SPATA24: variants seen among roughly 807,000 people sequenced by gnomAD.
SPATA24 encodes spermatogenesis-associated protein 24.
A neutral mutation model predicts 28.9 loss-of-function variants in SPATA24; 21 were observed. That is an observed-to-expected ratio of 0.73 (90% CI 0.52 to 1.05). The LOEUF (loss-of-function observed/expected upper bound fraction) is 1.05, where lower values mean the gene tolerates loss of function less well. Ranked by LOEUF, SPATA24 falls within the 50% of genes least tolerant of loss-of-function variation. The probability of loss-of-function intolerance (pLI) is 0.00; values close to 1 mark genes in which losing one functional copy is unlikely to be tolerated. For missense variants in SPATA24, 215 were observed against 242.9 expected, an observed-to-expected ratio of 0.88 and a Z score of 0.76; for synonymous variants, 76 against 89.9, an observed-to-expected ratio of 0.85 and a Z score of 0.88.
downstream of SPATA24, chr5:139,396,471 C>G: frequency 1.7e-6 from 2 of 1,160,910 alleles, no homozygotes; most frequent in South Asian, 4.3e-5. Flanking sequence ...GGTTCTGGAA[C>G]CCACTGTCTT....
chr5:139,394,496 C>T (rs1167052209), downstream of SPATA24: 1 of 1,423,276 alleles, frequency 7.0e-7, no homozygotes, highest in Non-Finnish European at 9.1e-7. Flanking sequence ...GGCGCGGCGC[C>T]CTCCTCCAGA....
downstream of SPATA24, chr5:139,393,312 G>T (rs763116928): frequency 3.1e-5 from 48 of 1,550,768 alleles, no homozygotes; most frequent in Non-Finnish European, 4.1e-5. Context: ...GGTGGCTGCC[G>T]GGCGGCTCGG....
chr5:139,394,669 G>A (rs1290443693), downstream of SPATA24: 1 of 1,534,858 alleles, frequency 6.5e-7, no homozygotes. Flanking sequence ...GATGAAGGCC[G>A]GCTCCGTGAA....
chr5:139,403,962 G>T lies in SPATA24; in HGVS notation c.99C>A (p.Ile33=). 6.4e-7 allele frequency: 1 copy of T among 1,551,660 alleles called. No homozygotes were observed. The highest frequency in any genetic ancestry group is 8.7e-7 in the Non-Finnish European group (1 of 1,146,886). Residue 33 remains isoleucine (I), a synonymous_variant, in exon 1 of 6, where the codon ATC becomes ATA. Transcript: ENST00000450845. Reference sequence around the variant, plus strand: ...TGCATACCACGTTCCTCAGCTGGTGGATTAGTTCCTCCTGAGACTCAATCA... The same window carrying T: ...TGCATACCACGTTCCTCAGCTGGTGTATTAGTTCCTCCTGAGACTCAATCA... ...RDVIESQEEL[I]HQLRNVMVLQ...
intron 3 of SPATA24, 22 bp downstream of exon 3, chr5:139,401,893 C>A (rs760239558): frequency 6.4e-7 from 1 of 1,551,114 alleles, no homozygotes; most frequent in Admixed American, 2.0e-5. Context: ...AAACCCCACA[C>A]CCCGTACTGA....
At position 139,402,054 on chromosome 5, in the gene SPATA24, G is replaced by A; in HGVS notation, c.184-9C>T. On this transcript the variant is annotated splice_polypyrimidine_tract_variant and intron_variant, in intron 2 of 5. Transcript: ENST00000450845. ...TGGGCAGCTTTCTCTTCCTGCAGGGGCAGCAGCAGTCACCTCATTACCCTA... is the reference window on the plus strand; with the variant it reads ...TGGGCAGCTTTCTCTTCCTGCAGGGACAGCAGCAGTCACCTCATTACCCTA... The A allele has an allele frequency of 6.5e-7, 1 of 1,550,320 alleles. No homozygotes were observed. Among genetic ancestry groups the A allele is most frequent in the South Asian group, 1.2e-5 (1 of 84,006 alleles).
At chr5:139,394,297 T>A, downstream of SPATA24, 1 of 1,518,340 alleles carries the variant, frequency 6.6e-7, no homozygotes, top group Non-Finnish European at 8.8e-7. Flanking sequence ...GGCCGGGGCC[T>A]CGGGGCTCAG....
chr5:139,392,636 G>A (rs1758617890), downstream of SPATA24: 7 of 1,389,108 alleles, frequency 5.0e-6, no homozygotes, highest in East Asian at 1.8e-4. The surrounding 1 kb of genome is among the most constrained non-coding windows in gnomAD (Gnocchi z 5.8). Context: ...TTCGGTTTGG[G>A]TGCTATCCCA....
chr5:139,401,881 C>T, intron 3 of SPATA24, 34 bp downstream of exon 3: 1 of 1,549,472 alleles, frequency 6.5e-7, no homozygotes. Flanking sequence ...GATGCATCCC[C>T]CAAACCCCAC....
chr5:139,394,835 C>A (rs1042128435), downstream of SPATA24: 52 of 1,531,226 alleles, frequency 3.4e-5, no homozygotes, highest in African/African-American at 1.7e-4. Flanking sequence ...GAGCCGGGCC[C>A]GTGCCGCTGG....
At chr5:139,392,519 A>G, downstream of SPATA24, 5 of 1,343,130 alleles carry the variant, frequency 3.7e-6, no homozygotes, top group Non-Finnish European at 3.8e-6. The surrounding 1 kb of genome is among the most constrained non-coding windows in gnomAD (Gnocchi z 5.8). Flanking sequence ...GGAGGCGCCG[A>G]GGCAGCGCGG....
downstream of SPATA24, chr5:139,395,167 C>G (rs1758677176): frequency 2.3e-6 from 3 of 1,295,436 alleles, no homozygotes; most frequent in Admixed American, 1.2e-4. Context: ...CCGAGGATGC[C>G]GTGGGGGTCA....
At chr5:139,393,659 C>A, downstream of SPATA24, 1 of 1,550,608 alleles carries the variant, frequency 6.4e-7, no homozygotes, top group African/African-American at 1.4e-5. Context: ...AGGGAAGGGG[C>A]TTCGAGGGAC....
chr5:139,398,216 A>G (rs1204131140), intron 4 of SPATA24, among the ~76,000 whole-genome samples: 2 of 152,102 alleles, frequency 1.3e-5, no homozygotes, highest in African/African-American at 4.8e-5. Flanking sequence ...CATTTCAAAG[A>G]TGGGGAAAGA....
downstream of SPATA24, chr5:139,393,927 A>G (rs1758644269): frequency 6.4e-7 from 1 of 1,550,816 alleles, no homozygotes; most frequent in Non-Finnish European, 8.7e-7. Flanking sequence ...TCACAGCCCT[A>G]CTCGGAACCT....
intron 4 of SPATA24, 76 bp from the exon 5 acceptor site, chr5:139,397,219 G>C: frequency 3.4e-6 from 4 of 1,176,550 alleles, no homozygotes; most frequent in Non-Finnish European, 4.9e-6. Context: ...ATTCCCTCAC[G>C]GGGCTTTTCA....
downstream of SPATA24, chr5:139,392,890 G>A (rs1308735370): frequency 3.2e-6 from 5 of 1,544,404 alleles, no homozygotes; most frequent in Non-Finnish European, 4.4e-6. This position sits in a 1 kb window ranked among gnomAD's most constrained non-coding sequence, Gnocchi z 5.8. Context: ...GCGGATCTCT[G>A]TGCGCTTGAA....
downstream of SPATA24, chr5:139,392,857 C>A: frequency 6.5e-7 from 1 of 1,542,868 alleles, no homozygotes; most frequent in Non-Finnish European, 8.7e-7. This position sits in a 1 kb window ranked among gnomAD's most constrained non-coding sequence, Gnocchi z 5.8. Flanking sequence ...GGGCCGGCGA[C>A]CCAAGGCCAG....
At chr5:139,395,197 C>G, downstream of SPATA24, 1 of 1,093,862 alleles carries the variant, frequency 9.1e-7, no homozygotes, top group South Asian at 2.1e-5. Context: ...AAAGCGGCCG[C>G]GTCCACTCCT....
Sources: allele counts gnomAD v4.1 joint callset (sites outside exome capture counted in the v4.1 genomes callset), GRCh38; gene constraint gnomAD v4.1.1; non-coding constraint Gnocchi (gnomAD v3.1); transcripts MANE v1.5; gene names NCBI Gene and HGNC (gene_info 2026-07-23, HGNC 2026-07-21).